ANK3: variants seen among roughly 807,000 people sequenced by gnomAD.
The protein encoded by ANK3 is ankyrin 3.
A neutral mutation model predicts 370.9 loss-of-function variants in ANK3; 57 were observed. The observed-to-expected ratio is 0.15, with a 90% confidence interval of 0.12 to 0.19. ANK3 has a LOEUF of 0.19. Ranked by LOEUF, ANK3 falls within the 10% of genes least tolerant of loss-of-function variation. The pLI is 1.00. For missense variants in ANK3, 4,439 were observed against 5,302.1 expected, an observed-to-expected ratio of 0.84 and a Z score of 5.06; for synonymous variants, 1,929 against 1,946.3, an observed-to-expected ratio of 0.99 and a Z score of 0.23.
At chr10:60,511,740 C>T (rs1329733741) in intron 2 of ANK3, among the ~76,000 whole-genome samples, 4 of 151,870 alleles carry the variant, frequency 2.6e-5, no homozygotes, top group Admixed American at 6.6e-5. Flanking sequence ...GAAAGAACTC[C>T]TGCTTCCCCC....
At chr10:60,680,285 T>C (rs182982527) in intron 1 of ANK3, among the ~76,000 whole-genome samples, 52 of 152,322 alleles carry the variant, frequency 3.4e-4, no homozygotes, top group African/African-American at 1.2e-3. Flanking sequence ...TGCAGACCCA[T>C]ACAGATTCAC....
chr10:60,133,316 C>T (rs2094188459), intron 25 of ANK3, among the ~76,000 whole-genome samples: 1 of 152,226 alleles, frequency 6.6e-6, no homozygotes, highest in South Asian at 2.1e-4. Flanking sequence ...ACTGTGCATA[C>T]TTAAAGCCAG....
At chr10:60,100,956 T>C (rs1036180016) in intron 28 of ANK3, among the ~76,000 whole-genome samples, 24 of 152,178 alleles carry the variant, frequency 1.6e-4, no homozygotes, top group African/African-American at 5.5e-4. Context: ...ATTAATTTTT[T>C]ATTTGTTTTT....
chr10:60,445,503 C>T (rs76929953), intron 2 of ANK3, among the ~76,000 whole-genome samples: 12,920 of 151,176 alleles, frequency 0.085, 651 homozygotes, highest in South Asian at 0.16. Flanking sequence ...AAAATCAGGG[C>T]TCCAGGATTA....
Position 60,164,062 on chromosome 10 carries a change from G to A in ANK3, c.2614+2529C>T, listed in dbSNP as rs1404366535. Among the ~76,000 whole-genome samples, 5 of 152,290 alleles carry A rather than the reference G, an allele frequency of 3.3e-5. No homozygotes were observed. In the East Asian group the frequency reaches 7.7e-4, roughly 24 times the overall value. ...TCTGGCAAGACTATCAGGCAAATGA[G>A]TCAGAAGTTAAAATTATCATTCAAG... On this transcript the variant is annotated intron_variant, in intron 23 of 43. Coordinates refer to ENST00000280772, the MANE Select transcript of ANK3 (RefSeq NM_020987.5).
intron 2 of ANK3, among the ~76,000 whole-genome samples, chr10:60,562,365 T>C (rs2077355523): frequency 6.6e-6 from 1 of 151,914 alleles, no homozygotes; most frequent in Non-Finnish European, 1.5e-5. Context: ...ATTAATGGCA[T>C]CTCTAAAAAT....
At chr10:60,393,406 T>C (rs77787726), upstream of ANK3, among the ~76,000 whole-genome samples, 13,240 of 152,234 alleles carry the variant, frequency 0.087, 726 homozygotes, top group South Asian at 0.13. Flanking sequence ...TTACCAGAAC[T>C]AACAAGTTTC....
At chr10:60,607,112 C>CAT (rs1197425143) in intron 2 of ANK3, among the ~76,000 whole-genome samples, 2 of 152,052 alleles carry the variant, frequency 1.3e-5, no homozygotes, top group African/African-American at 4.8e-5. Context: ...CCTTCCTGTC[C>CAT]ATATATATGC....
chr10:60,240,723 C>A (rs773997165), intron 7 of ANK3, among the ~76,000 whole-genome samples: 8 of 152,110 alleles, frequency 5.3e-5, no homozygotes, highest in Non-Finnish European at 4.4e-5. Context: ...TCCTGAGTAG[C>A]TGGGATTACA....
intron 2 of ANK3, among the ~76,000 whole-genome samples, chr10:60,503,516 G>A (rs996895472): frequency 2.0e-5 from 3 of 152,158 alleles, no homozygotes; most frequent in Non-Finnish European, 4.4e-5. Flanking sequence ...AAGGTCACAT[G>A]AGCAAGAGGC....
intron 7 of ANK3, among the ~76,000 whole-genome samples, chr10:60,248,844 T>C (rs2097597110): frequency 6.6e-6 from 1 of 152,204 alleles, no homozygotes; most frequent in Admixed American, 6.5e-5. Flanking sequence ...AGAGAAAATA[T>C]ATCCTGATAG....
intron 7 of ANK3, among the ~76,000 whole-genome samples, chr10:60,235,750 A>G (rs982674520): frequency 6.6e-6 from 1 of 152,104 alleles, no homozygotes; most frequent in South Asian, 2.1e-4. Flanking sequence ...CTGTTCACAA[A>G]GAATCAATTA....
At chr10:60,284,954 C>A (rs2098222768) in intron 1 of ANK3, among the ~76,000 whole-genome samples, 1 of 152,014 alleles carries the variant, frequency 6.6e-6, no homozygotes, top group African/African-American at 2.4e-5. Flanking sequence ...TACTGGTGCC[C>A]TGTCTTCTGC....
chr10:60,536,751 C>T (rs765253008), intron 2 of ANK3, among the ~76,000 whole-genome samples: 101 of 152,144 alleles, frequency 6.6e-4, no homozygotes, highest in Non-Finnish European at 1.3e-3. Flanking sequence ...CTTTCCACAA[C>T]GGAGTCTGAC....
At chr10:60,099,176 G>A (rs2090714844) in intron 28 of ANK3, among the ~76,000 whole-genome samples, 1 of 152,098 alleles carries the variant, frequency 6.6e-6, no homozygotes, top group South Asian at 2.1e-4. Flanking sequence ...TCCATTTGGT[G>A]TAGCCTCCCT....
At chr10:60,325,207 G>C (rs1037157469) in intron 1 of ANK3, among the ~76,000 whole-genome samples, 2 of 152,202 alleles carry the variant, frequency 1.3e-5, no homozygotes, top group Non-Finnish European at 2.9e-5. Flanking sequence ...TAAGGTTACT[G>C]TTATTCCTAT....
chr10:60,487,826 T>C (rs1475866609), intron 2 of ANK3, among the ~76,000 whole-genome samples: 2 of 151,794 alleles, frequency 1.3e-5, no homozygotes, highest in Admixed American at 1.3e-4. Context: ...GCAATTCTCC[T>C]GCCTCAGCCG....
chr10:60,469,020 CCACTTTTAGTGTATATATATAT>C (rs2065085061), intron 2 of ANK3, among the ~76,000 whole-genome samples: 3 of 26,208 alleles, frequency 1.1e-4, no homozygotes, highest in African/African-American at 4.3e-4. Context: ...TATATATATA[CCACTTTTAGTGTATATATATAT>C]ATATATATAT....
intron 8 of ANK3, among the ~76,000 whole-genome samples, chr10:60,232,548 C>G (rs1328894497): frequency 6.6e-6 from 1 of 152,158 alleles, no homozygotes; most frequent in East Asian, 1.9e-4. Flanking sequence ...AAAATCAGTT[C>G]AGTAAGACCT....
Sources: gnomAD v4.1 joint callset for allele counts (sites outside exome capture counted in the v4.1 genomes callset) on GRCh38, gnomAD v4.1.1 for gene constraint, MANE v1.5 for transcripts, NCBI Gene and HGNC (gene_info 2026-07-23, HGNC 2026-07-21) for gene names.